CXCL13: variants seen among roughly 807,000 people sequenced by gnomAD.
The protein encoded by CXCL13 is C-X-C motif chemokine ligand 13.
A neutral mutation model predicts 12.2 loss-of-function variants in CXCL13; 7 were observed. The observed-to-expected ratio is 0.57, with a 90% CI of 0.33 to 1.07. CXCL13 has a LOEUF of 1.07. Among genes scored for constraint, CXCL13 ranks in the 50% least tolerant of loss-of-function variants. The pLI, the probability that CXCL13 is intolerant of heterozygous loss-of-function variation, is 0.04. For missense variants in CXCL13, 113 were observed against 127.4 expected (o/e 0.89, Z 0.55); for synonymous variants, 47 against 42.4 (o/e 1.11, Z -0.42).
intron 1 of CXCL13, among the ~76,000 whole-genome samples, chr4:77,517,286 G>A (rs1280176338): frequency 1.3e-5 from 2 of 152,210 alleles, no homozygotes; most frequent in Non-Finnish European, 2.9e-5. Context: ...ATATTCTGTT[G>A]ATTTGAGGTG....
chr4:77,610,564 G>T, intron 2 of CXCL13, 50 bp from the exon 3 acceptor site: 2 of 1,342,174 alleles, frequency 1.5e-6, no homozygotes, highest in Non-Finnish European at 1.1e-6. Context: ...TAAAAGTATA[G>T]GATTGACTAA....
chr4:77,593,718 G>A (rs1156824297), intron 1 of CXCL13, among the ~76,000 whole-genome samples: 1 of 152,174 alleles, frequency 6.6e-6, no homozygotes, highest in Non-Finnish European at 1.5e-5. Context: ...TTAAATCTAG[G>A]TCTCTTGATT....
chr4:77,528,617 A>G (rs1158892740), intron 1 of CXCL13, among the ~76,000 whole-genome samples: 1 of 152,022 alleles, frequency 6.6e-6, no homozygotes, highest in Non-Finnish European at 1.5e-5. Flanking sequence ...CCACTTTTTG[A>G]TGGGCCTGTT....
At chr4:77,561,303 A>T (rs988895695) in intron 1 of CXCL13, among the ~76,000 whole-genome samples, 1 of 152,198 alleles carries the variant, frequency 6.6e-6, no homozygotes, top group African/African-American at 2.4e-5. Flanking sequence ...CTGCATTCTA[A>T]CAAGATCTGC....
At chr4:77,540,196 A>G (rs1366838757) in intron 1 of CXCL13, among the ~76,000 whole-genome samples, 1 of 152,206 alleles carries the variant, frequency 6.6e-6, no homozygotes, top group East Asian at 1.9e-4. Context: ...TATACACTTC[A>G]TGAGGGTTCT....
At chr4:77,600,748 G>A (rs780503313) in intron 1 of CXCL13, among the ~76,000 whole-genome samples, 2 of 152,152 alleles carry the variant, frequency 1.3e-5, no homozygotes, top group Non-Finnish European at 2.9e-5. Context: ...TGCTGAGGCC[G>A]AATGTGATCT....
At chr4:77,535,298 C>A (rs1004063127) in intron 1 of CXCL13, among the ~76,000 whole-genome samples, 7 of 152,156 alleles carry the variant, frequency 4.6e-5, no homozygotes, top group African/African-American at 1.7e-4. Context: ...TGACATACTT[C>A]TTTCTTGACA....
At chr4:77,590,906 G>A (rs1326060319) in intron 1 of CXCL13, among the ~76,000 whole-genome samples, 1 of 152,180 alleles carries the variant, frequency 6.6e-6, no homozygotes, top group African/African-American at 2.4e-5. Context: ...TTGAGATGGA[G>A]TCTCACTCTG....
In CXCL13 at chr4:77,610,664, G is replaced by A. The variant is rs1386129142; in HGVS notation, c.248G>A (p.Trp83Ter). The change falls in exon 3 of 4, where the codon TGG (tryptophan) becomes TAG (stop). Residue 83 changes from tryptophan to a stop codon, truncating the protein, a stop_gained. Coordinates refer to ENST00000682537, the MANE Select transcript of CXCL13 (RefSeq NM_001371558.1). LOFTEE classifies it low-confidence loss of function (END_TRUNC). Reference sequence around the variant, plus strand: ...GTGTGTGTGGACCCTCAAGCTGAATGGATACAAAGAATGATGGAAGTATTG... The same window carrying A: ...GTGTGTGTGGACCCTCAAGCTGAATAGATACAAAGAATGATGGAAGTATTG... ...SIVCVDPQAE[W>*]IQRMMEVLRK... 1.9e-6 allele frequency: 3 copies of A among 1,613,334 alleles called. No homozygotes were observed. The highest frequency in any genetic ancestry group is 2.5e-6 in the Non-Finnish European group (3 of 1,179,262).
chr4:77,561,952 G>T lies in CXCL13; in HGVS notation c.-42-43872G>T, dbSNP rs143020663. Among the ~76,000 whole-genome samples the T allele has an allele frequency of 3.9e-3, 592 of 152,308 alleles. 11 individuals are homozygous for T. In the East Asian group the frequency reaches 0.039, roughly 10 times the overall value. On this transcript the variant is annotated intron_variant, in intron 1 of 4. Coordinates refer to the CXCL13 transcript ENST00000286758. ...TGTGGGCCAGCACAAGTTCTGGGTG[G>T]GTGTGGGCTTGGTGGGCCCTGCACT...
chr4:77,513,391 CCCA>C (rs1237575467), intron 1 of CXCL13, among the ~76,000 whole-genome samples: 15 of 152,258 alleles, frequency 9.9e-5, no homozygotes, highest in African/African-American at 3.6e-4. Context: ...AATTTACACT[CCCA>C]CCAACAGTGT....
intron 1 of CXCL13, among the ~76,000 whole-genome samples, chr4:77,547,730 A>C (rs1304823337): frequency 6.6e-6 from 1 of 152,182 alleles, no homozygotes; most frequent in Non-Finnish European, 1.5e-5. Flanking sequence ...TAGTCCATTT[A>C]CATTTAAGAT....
At position 77,558,099 on chromosome 4, in the gene CXCL13, A is replaced by G. The variant is rs568287836; in HGVS notation, c.-43+46311A>G. Among the ~76,000 whole-genome samples, 5 of 152,306 alleles carry G rather than the reference A, an allele frequency of 3.3e-5. No individual in the cohort carries two copies. The South Asian group carries it at 1.0e-3, about 32-fold the overall frequency. ...ACATGCTCTGACACCTTGATCCAGA[A>G]CCCTTAGAAACCAATACTATCTATA... On this transcript the variant is annotated intron_variant, in intron 1 of 4. Coordinates refer to the CXCL13 transcript ENST00000286758.
intron 1 of CXCL13, among the ~76,000 whole-genome samples, chr4:77,581,282 A>G (rs138003961): frequency 3.7e-4 from 56 of 152,374 alleles, no homozygotes; most frequent in South Asian, 3.5e-3. Flanking sequence ...AATGCCATTC[A>G]AGCAAGTATG....
intron 2 of CXCL13, 105 bp from the exon 3 acceptor site, chr4:77,610,509 C>A: frequency 2.2e-6 from 2 of 911,944 alleles, no homozygotes; most frequent in South Asian, 1.6e-5. Flanking sequence ...TCCAATTTCA[C>A]TTCATCTAGG....
intron 1 of CXCL13, among the ~76,000 whole-genome samples, chr4:77,577,148 C>CA (rs1726217874): frequency 6.6e-6 from 1 of 152,158 alleles, no homozygotes; most frequent in Admixed American, 6.5e-5. Flanking sequence ...GGATGACCAT[C>CA]ACCTGGAGGT....
At chr4:77,565,189 T>A (rs930443153) in intron 1 of CXCL13, among the ~76,000 whole-genome samples, 2 of 152,182 alleles carry the variant, frequency 1.3e-5, no homozygotes, top group South Asian at 2.1e-4. Flanking sequence ...GGATTATGGA[T>A]AAAAATTTGT....
At chr4:77,556,797 C>A (rs1425915769) in intron 1 of CXCL13, among the ~76,000 whole-genome samples, 3 of 152,002 alleles carry the variant, frequency 2.0e-5, no homozygotes, top group South Asian at 2.1e-4. Context: ...CCAGCACAAG[C>A]CCCTGAAGTC....
chr4:77,564,374 C>T (rs1356877239), intron 1 of CXCL13, among the ~76,000 whole-genome samples: 1 of 152,186 alleles, frequency 6.6e-6, no homozygotes, highest in Non-Finnish European at 1.5e-5. Flanking sequence ...ATGGCTAAGA[C>T]AGCAAGTTTG....
Sources: gnomAD v4.1 joint callset for allele counts (sites outside exome capture counted in the v4.1 genomes callset) on GRCh38, gnomAD v4.1.1 for gene constraint, MANE v1.5 for transcripts, NCBI Gene and HGNC (gene_info 2026-07-23, HGNC 2026-07-21) for gene names.